LDB1: variants seen among roughly 807,000 people sequenced by gnomAD.
LDB1 encodes LIM domain-binding protein 1.
A neutral mutation model predicts 49.7 loss-of-function variants in LDB1; 6 were observed. The observed-to-expected ratio is 0.12, with a 90% CI of 0.07 to 0.24. The LOEUF is 0.24. Among genes scored for constraint, LDB1 ranks in the 10% least tolerant of loss-of-function variants. The probability of loss-of-function intolerance (pLI) is 1.00; values close to 1 mark genes in which losing one functional copy is unlikely to be tolerated. For synonymous variants in LDB1, 233 were observed against 202.0 expected (o/e 1.15, Z -1.30); for missense variants, 341 against 561.7 (o/e 0.61, Z 3.97).
At chr10:102,114,181 G>A (rs2068297587) in intron 1 of LDB1, among the ~76,000 whole-genome samples, 1 of 152,218 alleles carries the variant, frequency 6.6e-6, no homozygotes. Context: ...GGTGGAAGCT[G>A]CATCCCGGGG....
chr10:102,103,073 A>G (rs977618059), downstream of LDB1, among the ~76,000 whole-genome samples: 78 of 152,338 alleles, frequency 5.1e-4, no homozygotes, highest in African/African-American at 1.9e-3. Context: ...TTTGTTGTTC[A>G]GGCTGGAGTG....
At chr10:102,118,979 A>C (rs2068368066) in intron 1 of LDB1, among the ~76,000 whole-genome samples, 1 of 152,190 alleles carries the variant, frequency 6.6e-6, no homozygotes, top group Admixed American at 6.5e-5. Flanking sequence ...CAGCCTCAGC[A>C]GGCACCTGAA....
intron 5 of LDB1, 41 bp downstream of exon 5, chr10:102,110,828 G>C (rs2068241771): frequency 6.3e-7 from 1 of 1,587,164 alleles, no homozygotes; most frequent in South Asian, 1.1e-5. Flanking sequence ...AACGACATAG[G>C]AGGTATACAC....
chr10:102,120,292 C>A lies in LDB1; in HGVS notation c.-182G>T. On this transcript the variant is annotated 5_prime_UTR_variant, in exon 1 of 11. Coordinates refer to ENST00000673968, the MANE Select transcript of LDB1 (RefSeq NM_001113407.3). The stretch of plus-strand genomic sequence containing the variant: ...GGCGAGGGGCCTGTCAGGCGCGGAG[C>A]AGACAGGAAGGAAGCCAGGCAGGAA... 1.0e-6 allele frequency: 1 copy of A among 983,868 alleles called. No homozygotes were observed. The highest frequency in any genetic ancestry group is 1.2e-6 in the Non-Finnish European group (1 of 829,568). 60.9% of individuals were successfully genotyped at this position (983,868 alleles called of 1,614,324 possible).
At position 102,106,911 on chromosome 10, in the gene LDB1, C is replaced by T. The variant is rs2068169528; in HGVS notation, c.*1182G>A. ...ATACTGGCAGGTGAAGACCCTCTACCTCTACCTCACCTATGGGGACAGAGG... is the reference window on the plus strand; with the variant it reads ...ATACTGGCAGGTGAAGACCCTCTACTTCTACCTCACCTATGGGGACAGAGG... On this transcript the variant is annotated 3_prime_UTR_variant, in exon 11 of 11. Transcript: ENST00000673968. Among the ~76,000 whole-genome samples the T allele has an allele frequency of 1.3e-5, 2 of 152,152 alleles. No homozygotes were observed. The highest frequency in any genetic ancestry group is 4.8e-5 in the African/African-American group (2 of 41,424).
At chr10:102,110,760 G>C in intron 5 of LDB1, 59 bp from the exon 6 acceptor site, 2 of 1,583,202 alleles carry the variant, frequency 1.3e-6, no homozygotes, top group East Asian at 4.5e-5. Context: ...CCAGGCAGAT[G>C]CCTCCCCTAC....
intron 5 of LDB1, 31 bp from the exon 6 acceptor site, chr10:102,110,732 A>C: frequency 6.2e-7 from 1 of 1,604,110 alleles, no homozygotes; most frequent in Non-Finnish European, 8.5e-7. Flanking sequence ...CTTCAGGACA[A>C]AGGGACCGCA....
intron 1 of LDB1, chr10:102,114,750 TCTC>T (rs1342698414): frequency 2.3e-4 from 193 of 848,394 alleles, no homozygotes; most frequent in East Asian, 2.4e-4. Flanking sequence ...CTCTTTCCTC[TCTC>T]CTCCTCCTCC....
chr10:102,111,238 C>G lies in LDB1; in HGVS notation c.173+18G>C, dbSNP rs1484806579. 6.2e-7 allele frequency: 1 copy of G among 1,614,058 alleles called. No individual in the cohort carries two copies. The highest frequency in any genetic ancestry group is 8.5e-7 in the Non-Finnish European group (1 of 1,179,922). On this transcript the variant is annotated intron_variant, in intron 3 of 10. Transcript: ENST00000673968. Reference sequence around the variant, plus strand: ...CACCCAGTGGAAAGCACCTTCTTCCCCACTGGACTCCACTTACCCAATCCC... The same window carrying G: ...CACCCAGTGGAAAGCACCTTCTTCCGCACTGGACTCCACTTACCCAATCCC...
intron 1 of LDB1, among the ~76,000 whole-genome samples, chr10:102,115,824 A>G (rs1191300867): frequency 6.6e-6 from 1 of 152,028 alleles, no homozygotes; most frequent in Non-Finnish European, 1.5e-5. Flanking sequence ...TCCTAAGGTA[A>G]TTTTGTTGTA....
rs2068177867 is a variant in LDB1 at position 102,107,346 on chromosome 10, C to T, written c.*747G>A. Among the ~76,000 whole-genome samples, 1 of 152,026 alleles carries T rather than the reference C, an allele frequency of 6.6e-6. No homozygotes were observed. Among genetic ancestry groups the T allele is most frequent in the African/African-American group, 2.4e-5 (1 of 41,354 alleles). ...AAATGTGGCCACCAATGTCCCCCTACCCCATGGCATGCTTTCCTCAACTGC... is the reference window on the plus strand; with the variant it reads ...AAATGTGGCCACCAATGTCCCCCTATCCCATGGCATGCTTTCCTCAACTGC... On this transcript the variant is annotated 3_prime_UTR_variant, in exon 11 of 11. Coordinates refer to ENST00000673968, the MANE Select transcript of LDB1 (RefSeq NM_001113407.3).
At chr10:102,110,736 G>A (rs758330669) in intron 5 of LDB1, 35 bp from the exon 6 acceptor site, 19 of 1,602,438 alleles carry the variant, frequency 1.2e-5, no homozygotes, top group Non-Finnish European at 1.6e-5. Flanking sequence ...AGGACAAAGG[G>A]ACCGCAAAAG....
chr10:102,110,846 G>GC, intron 5 of LDB1, 23 bp downstream of exon 5: 3 of 1,604,102 alleles, frequency 1.9e-6, no homozygotes, highest in Non-Finnish European at 2.6e-6. Context: ...CACCCTCATA[G>GC]CAAGACCCCA....
chr10:102,114,750 T>TC, intron 1 of LDB1: 1 of 849,108 alleles, frequency 1.2e-6, no homozygotes, highest in South Asian at 5.4e-5. Flanking sequence ...CTCTTTCCTC[T>TC]CTCCTCCTCC....
chr10:102,118,267 C>T (rs1378731370), intron 1 of LDB1, among the ~76,000 whole-genome samples: 1 of 152,204 alleles, frequency 6.6e-6, no homozygotes, highest in Admixed American at 6.5e-5. Context: ...GTCTAACCTC[C>T]ATCCACCCTC....
intron 1 of LDB1, among the ~76,000 whole-genome samples, chr10:102,115,602 C>T (rs2068326306): frequency 6.6e-6 from 1 of 152,096 alleles, no homozygotes; most frequent in Admixed American, 6.5e-5. Context: ...AGCCCCCTTC[C>T]CCACCACCAC....
chr10:102,120,487 C>G, upstream of LDB1: 1 of 669,004 alleles, frequency 1.5e-6, no homozygotes, highest in Non-Finnish European at 1.9e-6. Flanking sequence ...GCCGGCTCCC[C>G]AGCCCAAGCC....
chr10:102,111,029 A>G (rs748308046), intron 4 of LDB1, 40 bp downstream of exon 4: 1 of 1,612,242 alleles, frequency 6.2e-7, no homozygotes, highest in Non-Finnish European at 8.5e-7. Context: ...GGGTGCCCAG[A>G]TGGCCCTCCT....
downstream of LDB1, among the ~76,000 whole-genome samples, chr10:102,102,674 T>C (rs372667196): frequency 9.2e-5 from 14 of 152,300 alleles, no homozygotes; most frequent in East Asian, 2.3e-3. Flanking sequence ...TAGTCTCCCA[T>C]CCATTTCATC....
Sources: gnomAD v4.1 joint callset for allele counts (sites outside exome capture counted in the v4.1 genomes callset) on GRCh38, gnomAD v4.1.1 for gene constraint, MANE v1.5 for transcripts, NCBI Gene and HGNC (gene_info 2026-07-23, HGNC 2026-07-21) for gene names.